DLGAP2: variants seen among roughly 807,000 people sequenced by gnomAD.
DLGAP2 encodes the protein disks large-associated protein 2.
In DLGAP2, 26 loss-of-function variants were observed where a neutral mutation model predicts 100.3. That is an observed-to-expected ratio of 0.26 (90% CI 0.19 to 0.36). The LOEUF is 0.36. DLGAP2 is among the 10% of genes least tolerant of loss of function. The probability of loss-of-function intolerance (pLI) is 1.00; values close to 1 mark genes in which losing one functional copy is unlikely to be tolerated. For synonymous variants in DLGAP2, 886 were observed against 630.1 expected, an observed-to-expected ratio of 1.41 and a Z score of -6.08; for missense variants, 1,858 against 1,453.2, an observed-to-expected ratio of 1.28 and a Z score of -4.53.
rs115272970 is a variant in DLGAP2 at position 1,456,299 on chromosome 8, G to A, written c.107-45067G>A. ...GGTTACAGAATGTTTCTACACACAC[G>A]CTTCTCCCAGGCTGCCACCCTGTAC... On this transcript the variant is annotated intron_variant, in intron 3 of 14. Coordinates refer to ENST00000637795, the MANE Select transcript of DLGAP2 (RefSeq NM_001346810.2). Among the ~76,000 whole-genome samples, 178 of 152,294 alleles carry A rather than the reference G, an allele frequency of 1.2e-3. 1 individual carries two copies. The highest frequency in any genetic ancestry group is 3.9e-3 in the African/African-American group (163 of 41,568).
intron 1 of DLGAP2, among the ~76,000 whole-genome samples, chr8:856,408 A>C (rs1013445267): frequency 6.6e-6 from 1 of 152,094 alleles, no homozygotes; most frequent in Admixed American, 6.6e-5. Flanking sequence ...GGCTGATCTC[A>C]AACTGCTGAC....
At chr8:1,347,888 G>A (rs1242923561) in intron 3 of DLGAP2, among the ~76,000 whole-genome samples, 4 of 151,300 alleles carry the variant, frequency 2.6e-5, no homozygotes, top group African/African-American at 9.8e-5. Flanking sequence ...GCTGTGTGGA[G>A]GTTGAGTTCC....
chr8:1,039,636 C>A (rs77353245), intron 2 of DLGAP2, among the ~76,000 whole-genome samples: 3 of 15,430 alleles, frequency 1.9e-4, no homozygotes, highest in African/African-American at 2.9e-4. Flanking sequence ...GTGGTCAGCT[C>A]GGTGTGCGTG....
At chr8:889,497 T>C (rs1312107765) in intron 1 of DLGAP2, among the ~76,000 whole-genome samples, 2 of 152,124 alleles carry the variant, frequency 1.3e-5, no homozygotes, top group African/African-American at 2.4e-5. Flanking sequence ...GCTGGAGTTA[T>C]TGGAGTTCTT....
intron 3 of DLGAP2, among the ~76,000 whole-genome samples, chr8:1,413,325 A>G (rs1796788248): frequency 6.6e-6 from 1 of 152,250 alleles, no homozygotes; most frequent in Admixed American, 6.5e-5. Flanking sequence ...GATATTTTCA[A>G]GAACAGAGGA....
chr8:778,604 C>CAG (rs1261064302), intron 1 of DLGAP2, among the ~76,000 whole-genome samples: 1 of 151,752 alleles, frequency 6.6e-6, no homozygotes, highest in East Asian at 1.9e-4. Flanking sequence ...AGTACCCTGC[C>CAG]CTGTGTCAGT....
At chr8:1,306,040 C>T (rs1269175643) in intron 3 of DLGAP2, among the ~76,000 whole-genome samples, 4 of 132,758 alleles carry the variant, frequency 3.0e-5, no homozygotes, top group African/African-American at 1.1e-4. Flanking sequence ...TTCTACTCAT[C>T]ATAGTAGTAG....
chr8:848,854 C>T (rs116611540), intron 1 of DLGAP2, among the ~76,000 whole-genome samples: 1,613 of 150,464 alleles, frequency 0.011, 24 homozygotes, highest in African/African-American at 0.037. Flanking sequence ...ATGTGTGTTC[C>T]AGCATAGGAT....
At chr8:1,216,641 T>C (rs184604611) in intron 2 of DLGAP2, among the ~76,000 whole-genome samples, 28 of 152,186 alleles carry the variant, frequency 1.8e-4, no homozygotes, top group African/African-American at 5.5e-4. Context: ...CTGCCCTCAA[T>C]TGATTTTTAA....
intron 6 of DLGAP2, among the ~76,000 whole-genome samples, chr8:1,624,723 C>T (rs1454216095): frequency 2.0e-5 from 3 of 152,050 alleles, no homozygotes; most frequent in Non-Finnish European, 4.4e-5. Flanking sequence ...CCCACATCTG[C>T]AGCAGAGCTG....
chr8:967,838 A>C (rs1203077399), intron 2 of DLGAP2, among the ~76,000 whole-genome samples: 3 of 31,052 alleles, frequency 9.7e-5, no homozygotes, highest in Admixed American at 2.9e-4. Flanking sequence ...ATATATATAT[A>C]TATATATATA....
intron 1 of DLGAP2, among the ~76,000 whole-genome samples, chr8:779,503 G>T (rs567836125): frequency 2.1e-5 from 3 of 143,396 alleles, no homozygotes; most frequent in Non-Finnish European, 1.5e-5. Context: ...TTGCTCTGTC[G>T]CCCAGGCTGG....
intron 3 of DLGAP2, among the ~76,000 whole-genome samples, chr8:1,460,273 C>G (rs1025994724): frequency 2.6e-5 from 4 of 152,192 alleles, no homozygotes; most frequent in Admixed American, 6.5e-5. Context: ...GTACAAGTGG[C>G]TTATGATCGA....
At chr8:1,411,195 T>C (rs372785603) in intron 3 of DLGAP2, among the ~76,000 whole-genome samples, 12 of 152,228 alleles carry the variant, frequency 7.9e-5, no homozygotes, top group South Asian at 4.1e-4. Flanking sequence ...AGAGAAATTA[T>C]TCATTGCAAT....
intron 3 of DLGAP2, among the ~76,000 whole-genome samples, chr8:1,265,313 T>C (rs1363196089): frequency 1.3e-5 from 2 of 152,154 alleles, no homozygotes; most frequent in East Asian, 1.9e-4. Flanking sequence ...GTCATTTAAA[T>C]TGACCACTCT....
At chr8:814,648 C>A (rs1796430066) in intron 1 of DLGAP2, among the ~76,000 whole-genome samples, 2 of 151,588 alleles carry the variant, frequency 1.3e-5, no homozygotes. Context: ...GAGATTGAGA[C>A]CACCCTGGCT....
intron 2 of DLGAP2, among the ~76,000 whole-genome samples, chr8:1,068,843 T>A (rs985315113): frequency 6.6e-6 from 1 of 152,136 alleles, no homozygotes; most frequent in African/African-American, 2.4e-5. Flanking sequence ...ATCCTCTCCC[T>A]GAGCTTGTTT....
chr8:1,379,847 C>T (rs1796050240), intron 3 of DLGAP2: 1 of 85,772 alleles, frequency 1.2e-5, no homozygotes, highest in Admixed American at 1.1e-4. Flanking sequence ...CCTTCCCTCC[C>T]CTCCTGCTCG....
intron 2 of DLGAP2, among the ~76,000 whole-genome samples, chr8:1,175,333 C>T (rs572548569): frequency 6.6e-6 from 1 of 152,060 alleles, no homozygotes; most frequent in Non-Finnish European, 1.5e-5. Flanking sequence ...GCTTAGTTTT[C>T]TGTGAATCTC....
Sources: allele counts gnomAD v4.1 joint callset (sites outside exome capture counted in the v4.1 genomes callset), GRCh38; gene constraint gnomAD v4.1.1; transcripts MANE v1.5; gene names NCBI Gene and HGNC (gene_info 2026-07-23, HGNC 2026-07-21).